Variants in CHM observed in about 807,000 individuals in gnomAD.
CHM encodes the protein CHM Rab escort protein.
CHM carries 10 observed loss-of-function variants against 49.0 expected under a neutral mutation model. That is an observed-to-expected ratio of 0.20 (90% CI 0.13 to 0.35). CHM has a LOEUF of 0.35. CHM is among the 10% of genes least tolerant of loss of function. CHM has a pLI of 1.00. For synonymous variants in CHM, 184 were observed against 167.5 expected (o/e 1.10, Z -0.76); for missense variants, 455 against 478.4 (o/e 0.95, Z 0.46).
At chrX:85,968,595 A>G (rs1407062354) in intron 4 of CHM, among the ~76,000 whole-genome samples, 8 of 112,062 alleles carry the variant, frequency 7.1e-5, no homozygotes, top group African/African-American at 2.6e-4. Flanking sequence ...TTCAGCCAAT[A>G]AGATAATGAT....
At chrX:86,034,616 A>C (rs961357060) in intron 1 of CHM, among the ~76,000 whole-genome samples, 1 of 110,928 alleles carries the variant, frequency 9.0e-6, no homozygotes, top group Admixed American at 9.6e-5. Flanking sequence ...CCCTGTCTCT[A>C]CTAAAAATAC....
intron 8 of CHM, among the ~76,000 whole-genome samples, chrX:85,921,192 T>G (rs1927771767): frequency 8.9e-6 from 1 of 111,885 alleles, no homozygotes; most frequent in African/African-American, 3.2e-5. Flanking sequence ...TTACCATGAT[T>G]TTGGGGGAGG....
chrX:85,937,654 G>T (rs972572367), intron 8 of CHM, among the ~76,000 whole-genome samples: 1 of 109,081 alleles, frequency 9.2e-6, no homozygotes, highest in African/African-American at 3.3e-5. Flanking sequence ...GACCAGCCTG[G>T]GCAACATGGT....
At chrX:85,981,993 G>A (rs1931649099) in intron 2 of CHM, among the ~76,000 whole-genome samples, 184 bp from the exon 3 acceptor site, 1 of 111,164 alleles carries the variant, frequency 9.0e-6, no homozygotes, top group African/African-American at 3.3e-5. Flanking sequence ...GCTAAAAGTA[G>A]GCCTCTCAGA....
intron 14 of CHM, among the ~76,000 whole-genome samples, chrX:85,869,416 G>A (rs184227449): frequency 1.8e-5 from 2 of 110,887 alleles, no homozygotes; most frequent in African/African-American, 6.6e-5. Flanking sequence ...CCATAGAATA[G>A]CTTTTACCCT....
chrX:85,999,813 G>C (rs1275076159), intron 2 of CHM, among the ~76,000 whole-genome samples: 1 of 111,925 alleles, frequency 8.9e-6, no homozygotes, highest in African/African-American at 3.2e-5. Context: ...CAATATAGCA[G>C]AAGTTAACTT....
intron 11 of CHM, among the ~76,000 whole-genome samples, chrX:85,896,501 G>C (rs1438096557): frequency 9.0e-6 from 1 of 111,007 alleles, no homozygotes; most frequent in Non-Finnish European, 1.9e-5. Context: ...AAGATGGTGA[G>C]TTCAGTTCTG....
rs1022944072 is a variant in CHM at position 86,044,510 on chromosome X, T to G, written c.49+2974A>C. Among the ~76,000 whole-genome samples, 3 of 112,083 alleles carry G rather than the reference T, an allele frequency of 2.7e-5. No homozygotes were observed. In the Admixed American group the frequency reaches 2.8e-4, roughly 11 times the overall value. On this transcript the variant is annotated intron_variant, in intron 1 of 14. Transcript: ENST00000357749. Reference sequence around the variant, plus strand: ...TATGAAGCATGTCAATATTATCATATAGATCTTATAACTTCCATCTTGACT... The same window carrying G: ...TATGAAGCATGTCAATATTATCATAGAGATCTTATAACTTCCATCTTGACT...
At chrX:86,027,068 G>A in intron 2 of CHM, 1 of 115,892 alleles carries the variant, frequency 8.6e-6, no homozygotes, top group East Asian at 2.6e-4. Context: ...TGAAGTTTAA[G>A]AAAATAATGC....
intron 1 of CHM, among the ~76,000 whole-genome samples, chrX:86,032,847 A>G (rs189291871): frequency 1.8e-3 from 199 of 111,708 alleles, no homozygotes; most frequent in African/African-American, 6.1e-3. Flanking sequence ...TGACTTTCAC[A>G]GTTGAGGTTC....
At chrX:85,913,312 T>TC (rs1927176261) in intron 8 of CHM, among the ~76,000 whole-genome samples, 1 of 3,434 alleles carries the variant, frequency 2.9e-4, no homozygotes, top group Non-Finnish European at 5.9e-4. Context: ...CAAGACTCTG[T>TC]CAAAAAAAAA....
intron 4 of CHM, among the ~76,000 whole-genome samples, chrX:85,964,806 T>C: frequency 9.0e-6 from 1 of 111,725 alleles, no homozygotes; most frequent in Non-Finnish European, 1.9e-5. Context: ...CAGTCCACCA[T>C]TGTCTTGATT....
intron 1 of CHM, among the ~76,000 whole-genome samples, chrX:86,030,057 ATT>A (rs1166692638): frequency 1.8e-5 from 2 of 112,011 alleles, no homozygotes; most frequent in East Asian, 2.8e-4. Flanking sequence ...ACTCGCCTCC[ATT>A]TGGCCCAAAA....
chrX:85,942,897 C>T (rs1290454407), intron 8 of CHM, among the ~76,000 whole-genome samples: 4 of 93,260 alleles, frequency 4.3e-5, no homozygotes, highest in African/African-American at 1.6e-4. Context: ...TCTCTTAATG[C>T]TATCCCTCCC....
intron 8 of CHM, among the ~76,000 whole-genome samples, chrX:85,923,735 T>C (rs1033055194): frequency 5.4e-5 from 6 of 110,997 alleles, no homozygotes; most frequent in African/African-American, 1.6e-4. Flanking sequence ...GTAAGTGTTC[T>C]GAAGATAATA....
In CHM at chrX:85,864,329, TAAC is replaced by T; in HGVS notation, c.*298_*300del. 7.2e-6 allele frequency: 2 copies of T among 278,802 alleles called. No individual in the cohort carries two copies. Among genetic ancestry groups the T allele is most frequent in the South Asian group, 1.1e-4 (2 of 18,516 alleles). 23.0% of individuals were successfully genotyped at this position (278,802 alleles called of 1,213,427 possible). On this transcript the variant is annotated 3_prime_UTR_variant, in exon 15 of 15. Coordinates refer to ENST00000357749, the MANE Select transcript of CHM (RefSeq NM_000390.4). ...AATTGTCCTAAGACCATGGAATTAT[TAAC>T]AATGCATAGGATCACTTTCATATCC...
chrX:85,872,291 T>C (rs1262026285), intron 14 of CHM, among the ~76,000 whole-genome samples: 1 of 112,200 alleles, frequency 8.9e-6, no homozygotes, highest in Non-Finnish European at 1.9e-5. Context: ...GTTCTACCCG[T>C]GAAAAGTTTA....
intron 2 of CHM, among the ~76,000 whole-genome samples, chrX:85,991,568 C>T (rs1932190492): frequency 9.0e-6 from 1 of 111,287 alleles, no homozygotes. Context: ...CAAGAAAAAA[C>T]AATGCACAGT....
chrX:85,968,646 T>TA (rs1452323824), intron 4 of CHM, among the ~76,000 whole-genome samples: 1 of 112,154 alleles, frequency 8.9e-6, no homozygotes, highest in Non-Finnish European at 1.9e-5. Flanking sequence ...TCCAGTAAAA[T>TA]AAAAAAGCAT....
Sources: gnomAD v4.1 joint callset for allele counts (sites outside exome capture counted in the v4.1 genomes callset) on GRCh38, gnomAD v4.1.1 for gene constraint, MANE v1.5 for transcripts, NCBI Gene and HGNC (gene_info 2026-07-23, HGNC 2026-07-21) for gene names.